DRD3: variants seen among roughly 807,000 people sequenced by gnomAD.
DRD3 encodes dopamine receptor D3, also known as D(3) dopamine receptor.
Under a neutral mutation model 36.3 loss-of-function variants are expected in DRD3, and 19 were observed. The ratio of observed to expected loss-of-function variants is 0.52; its 90% CI spans 0.36 to 0.77. The LOEUF is 0.77. Among genes scored for constraint, DRD3 ranks in the 30% least tolerant of loss-of-function variants. DRD3 has a pLI of 0.00. For missense variants in DRD3, 465 were observed against 505.3 expected (o/e 0.92, Z 0.77); for synonymous variants, 195 against 203.7 (o/e 0.96, Z 0.36).
chr3:114,131,145 CCTT>C lies in DRD3; in HGVS notation c.976_978del (p.Lys326del). 3.7e-6 allele frequency: 6 copies of C among 1,614,094 alleles called. No homozygotes were observed. Among genetic ancestry groups the C allele is most frequent in the African/African-American group, 1.3e-5 (1 of 75,056 alleles). Reference sequence around the variant, plus strand: ...AGCACAATGGCCACCATTTGGGTTGCCTTCTTCTCCCGAAGTGGCACTCCCCGA... The same window carrying C: ...AGCACAATGGCCACCATTTGGGTTGCCTTCTCCCGAAGTGGCACTCCCCGA... On this transcript the variant is annotated inframe_deletion, in exon 6 of 7. Coordinates refer to ENST00000383673, the MANE Select transcript of DRD3 (RefSeq NM_000796.6).
At chr3:114,179,209 A>C (rs1437875990), upstream of DRD3, among the ~76,000 whole-genome samples, 1 of 152,182 alleles carries the variant, frequency 6.6e-6, no homozygotes, top group Non-Finnish European at 1.5e-5. Context: ...GGTGGGTGTA[A>C]AGATGATTAG....
In DRD3 at chr3:114,135,073, G is replaced by A. The variant is rs567674289; in HGVS notation, c.724-3673C>T. 8.8e-4 allele frequency among the ~76,000 whole-genome samples: 133 copies of A among 151,560 alleles called. 1 individual carries two copies. The highest frequency in any genetic ancestry group is 4.7e-4 in the Non-Finnish European group (32 of 67,924). ...ACCCCTGAATCCACCTCTCTTTCTCGCCCCCTCCCCCATCTCCTTCCTAGC... is the reference window on the plus strand; with the variant it reads ...ACCCCTGAATCCACCTCTCTTTCTCACCCCCTCCCCCATCTCCTTCCTAGC... On this transcript the variant is annotated intron_variant, in intron 5 of 6. Transcript: ENST00000383673.
rs1404556576 is a variant in DRD3, at chr3:114,178,716, CATTTACTGACAGCA to C, written c.-109_-96del. ...AGTTTACCACTTCGGCTCCTGCAGC[CATTTACTGACAGCA>C]GACATACCCAAGCAAAGCAAACTTT... is the stretch of plus-strand genomic sequence containing the variant. On this transcript the variant is annotated 5_prime_UTR_variant, in exon 1 of 7. An upstream start codon of the reference 5' UTR is lost. Coordinates refer to ENST00000383673, the MANE Select transcript of DRD3 (RefSeq NM_000796.6). The C allele has an allele frequency of 1.1e-4, 16 of 152,158 alleles. No homozygotes were observed. Among genetic ancestry groups the C allele is most frequent in the African/African-American group, 3.1e-4 (13 of 41,442 alleles). The allele number at this position is 152,158 out of a possible 1,614,324, so 9.4% of individuals were successfully genotyped here.
At chr3:114,180,365 G>T (rs1245615368), upstream of DRD3, among the ~76,000 whole-genome samples, 1 of 152,022 alleles carries the variant, frequency 6.6e-6, no homozygotes, top group African/African-American at 2.4e-5. Context: ...ACTGTATTTG[G>T]ATGTAAGATC....
At chr3:114,187,467 T>G (rs936832337) in intron 1 of DRD3, among the ~76,000 whole-genome samples, 18 of 152,272 alleles carry the variant, frequency 1.2e-4, no homozygotes, top group Non-Finnish European at 2.6e-4. Flanking sequence ...TGTAGGACTT[T>G]GTATGTTAAT....
chr3:114,156,856 TCTTC>T (rs1559991283), intron 3 of DRD3, among the ~76,000 whole-genome samples: 4 of 29,794 alleles, frequency 1.3e-4, no homozygotes, highest in Non-Finnish European at 3.2e-4. Context: ...TTTCTTTCTT[TCTTC>T]CTTTCTTTCT....
intron 2 of DRD3, 132 bp downstream of exon 2, chr3:114,171,591 G>A: frequency 8.5e-7 from 1 of 1,170,310 alleles, no homozygotes; most frequent in Non-Finnish European, 1.2e-6. Context: ...TCATTACAGG[G>A]AGAATGAGAG....
chr3:114,132,477 G>A (rs1436867628), intron 5 of DRD3, among the ~76,000 whole-genome samples: 3 of 151,532 alleles, frequency 2.0e-5, no homozygotes, highest in Non-Finnish European at 4.4e-5. Flanking sequence ...AAACCTAGAT[G>A]ATAGGTTGAT....
chr3:114,136,875 C>G lies in DRD3; in HGVS notation c.723+2625G>C, dbSNP rs1347189289. ...AAGTTGTCTTGGTTTTTCCCACATT[C>G]AGTGGTAAATATGGCACTTGAAATT... is the stretch of plus-strand genomic sequence containing the variant. On this transcript the variant is annotated intron_variant, in intron 5 of 6. Coordinates refer to ENST00000383673, the MANE Select transcript of DRD3 (RefSeq NM_000796.6). Among the ~76,000 whole-genome samples, 7 of 152,190 alleles carry G rather than the reference C, an allele frequency of 4.6e-5. 1 individual carries two copies. The highest frequency in any genetic ancestry group is 1.0e-4 in the Non-Finnish European group (7 of 68,032).
chr3:114,160,576 C>T (rs1257968194), intron 2 of DRD3, among the ~76,000 whole-genome samples: 1 of 152,198 alleles, frequency 6.6e-6, no homozygotes, highest in Non-Finnish European at 1.5e-5. Context: ...CCGATGTGTA[C>T]ATTGTGCCAA....
intron 1 of DRD3, among the ~76,000 whole-genome samples, chr3:114,184,659 T>TTTTTTTTTTTTTTTTTTGAGACGGAG (rs1560003934): frequency 1.3e-5 from 2 of 151,888 alleles, no homozygotes; most frequent in East Asian, 1.9e-4. Flanking sequence ...ATGTCTTATG[T>TTTTTTTTTTTTTTTTTTGAGACGGAG]TCTCCTTCTT....
At chr3:114,140,447 C>A (rs2077514542) in intron 4 of DRD3, among the ~76,000 whole-genome samples, 1 of 152,092 alleles carries the variant, frequency 6.6e-6, no homozygotes, top group Admixed American at 6.6e-5. Flanking sequence ...GAGATTCCTC[C>A]AAGGCCCAAG....
intron 3 of DRD3, 99 bp from the exon 4 acceptor site, chr3:114,147,656 A>C: frequency 1.4e-6 from 2 of 1,423,004 alleles, no homozygotes; most frequent in Non-Finnish European, 1.9e-6. Context: ...ACAGGGTCTC[A>C]CTCTGTCACC....
intron 2 of DRD3, among the ~76,000 whole-genome samples, chr3:114,164,244 A>AAAAAAAAT (rs2077761620): frequency 6.6e-6 from 1 of 150,404 alleles, no homozygotes; most frequent in African/African-American, 2.4e-5. Context: ...AAAAAAAAAA[A>AAAAAAAAT]AAAAAAAAGT....
chr3:114,147,353 A>C (rs1045453428), intron 4 of DRD3, 62 bp downstream of exon 4: 8 of 1,582,748 alleles, frequency 5.1e-6, no homozygotes, highest in Middle Eastern at 1.7e-4. Context: ...CACAACTCAC[A>C]GCCAGTCATT....
chr3:114,144,050 G>A (rs1326319045), intron 4 of DRD3, among the ~76,000 whole-genome samples: 1 of 152,230 alleles, frequency 6.6e-6, no homozygotes, highest in African/African-American at 2.4e-5. Context: ...GTCTGTTGAT[G>A]ATGTGATATT....
intron 5 of DRD3, among the ~76,000 whole-genome samples, chr3:114,131,643 G>C (rs1053679262): frequency 6.6e-6 from 1 of 152,134 alleles, no homozygotes; most frequent in Non-Finnish European, 1.5e-5. Flanking sequence ...CCTACAGAAT[G>C]GGAGAAAATT....
chr3:114,147,589 G>A, intron 3 of DRD3, 32 bp from the exon 4 acceptor site: 1 of 1,594,040 alleles, frequency 6.3e-7, no homozygotes, highest in Non-Finnish European at 8.6e-7. Flanking sequence ...GGATAGGCAT[G>A]GTGAGATGGA....
intron 4 of DRD3, among the ~76,000 whole-genome samples, chr3:114,144,445 G>T (rs992030021): frequency 1.3e-5 from 2 of 152,154 alleles, no homozygotes; most frequent in Admixed American, 1.3e-4. Flanking sequence ...TTCAAATGAA[G>T]TTGGGAACTT....
Sources: allele counts gnomAD v4.1 joint callset (sites outside exome capture counted in the v4.1 genomes callset), GRCh38; gene constraint gnomAD v4.1.1; transcripts MANE v1.5; gene names NCBI Gene and HGNC (gene_info 2026-07-23, HGNC 2026-07-21).